Variants in LRRC24 observed in about 807,000 individuals in gnomAD.
LRRC24 encodes leucine rich repeat containing 24, also known as leucine-rich repeat-containing protein 24.
In LRRC24, 19 loss-of-function variants were observed where a neutral mutation model predicts 15.3. The ratio of observed to expected loss-of-function variants is 1.25; its 90% CI spans 0.87 to 1.83. The LOEUF (loss-of-function observed/expected upper bound fraction) is 1.83. LRRC24 is among the 40% of genes most tolerant of loss of function. The probability of loss-of-function intolerance (pLI) is 0.00; values close to 1 mark genes in which losing one functional copy is unlikely to be tolerated. For synonymous variants in LRRC24, 469 were observed against 359.6 expected (o/e 1.30, Z -3.44); for missense variants, 914 against 723.9 (o/e 1.26, Z -3.01).
rs1044788101 is a variant in LRRC24, at chr8:144,522,856, G to T, written c.1161C>A (p.Pro387=). The change falls in exon 5 of 5, where the codon CCC becomes CCA. Residue 387 remains proline, a synonymous_variant. Transcript: ENST00000529415. Reference sequence around the variant, plus strand: ...AGGCCATGCTGCCCGCCTCGGGCCGGGGCTCGCTGCCGGCGGGGCGGGCGG... The same window carrying T: ...AGGCCATGCTGCCCGCCTCGGGCCGTGGCTCGCTGCCGGCGGGGCGGGCGG... The part of the protein sequence containing the change: ...PPAARPAGSE[P]RPEAGSMAFR... 1 of 1,279,344 alleles carries T rather than the reference G, an allele frequency of 7.8e-7. No individual in the cohort carries two copies. Among genetic ancestry groups the T allele is most frequent in the African/African-American group, 1.6e-5 (1 of 64,394 alleles). 79.2% of individuals were successfully genotyped at this position (1,279,344 alleles called of 1,614,324 possible).
In LRRC24 at chr8:144,523,397, C is replaced by T. The variant is rs749436558; in HGVS notation, c.620G>A (p.Arg207His). 3 of 1,533,740 alleles carry T rather than the reference C, an allele frequency of 2.0e-6. No individual in the cohort carries two copies. The highest frequency in any genetic ancestry group is 2.3e-5 in the East Asian group (1 of 43,868). ...QVLRLTENPW[R>H]CDCALHWLGA... ...CAGCCAGTGCAGGGCGCAGTCACAG[C>T]GCCATGGGTTCTCTGTGGGAGAGCA... Residue 207 changes from arginine to histidine, a missense_variant, in exon 5 of 5, where the codon CGC becomes CAC. Arg to His is a conservative substitution (Grantham distance 29). Transcript: ENST00000529415.
rs143107864 is a variant in LRRC24 at position 144,524,231 on chromosome 8, C to T, written c.486G>A (p.Glu162=). 227 of 1,612,504 alleles carry T rather than the reference C, an allele frequency of 1.4e-4. No homozygotes were observed. The highest frequency in any genetic ancestry group is 1.8e-4 in the Non-Finnish European group (211 of 1,179,972). Reference sequence around the variant, plus strand: ...AGGACAGCCCCGCTAGAGCCTGGTCCTCCAGCAGCTCAATGCTGTTTTCTT... The same window carrying T: ...AGGACAGCCCCGCTAGAGCCTGGTCTTCCAGCAGCTCAATGCTGTTTTCTT... The part of the protein sequence containing the change: ...HLQENSIELL[E]DQALAGLSSL... The change falls in exon 4 of 5, where the codon GAG becomes GAA. Residue 162 remains glutamate (E), a synonymous_variant. Transcript: ENST00000529415.
rs1196450071 is a variant in LRRC24, at chr8:144,523,399, C to T, written c.618G>A (p.Trp206Ter). ...LQVLRLTENP[W>*]RCDCALHWLG... ...GCCAGTGCAGGGCGCAGTCACAGCG[C>T]CATGGGTTCTCTGTGGGAGAGCAGC... The change falls in exon 5 of 5, where the codon TGG becomes TGA. Residue 206 changes from tryptophan (W) to a stop codon, truncating the protein, a stop_gained. Coordinates refer to ENST00000529415, the MANE Select transcript of LRRC24 (RefSeq NM_001024678.4). LOFTEE classifies it low-confidence loss of function (END_TRUNC). 6.5e-7 allele frequency: 1 copy of T among 1,532,144 alleles called. No homozygotes were observed. The highest frequency in any genetic ancestry group is 1.4e-5 in the African/African-American group (1 of 72,160). 94.9% of individuals were successfully genotyped at this position (1,532,144 alleles called of 1,614,324 possible).
Position 144,522,821 on chromosome 8 carries a change from A to G in LRRC24, c.1196T>C (p.Leu399Pro). 2.0e-6 allele frequency: 3 copies of G among 1,476,232 alleles called. No individual in the cohort carries two copies. The highest frequency in any genetic ancestry group is 1.8e-6 in the Non-Finnish European group (2 of 1,116,454). The allele number at this position is 1,476,232 out of a possible 1,614,324, so 91.4% of individuals were successfully genotyped here. The stretch of plus-strand genomic sequence containing the variant: ...AATGGCCGTCTGTGTGGCCACGCCC[A>G]GGGCGCGGAAGGCCATGCTGCCCGC... Reference protein sequence around the residue: ...PEAGSMAFRALGVATQTAIAA... With the variant: ...PEAGSMAFRAPGVATQTAIAA... Residue 399 changes from leucine (L) to proline (P), a missense_variant, in exon 5 of 5, where the codon CTG (leucine) becomes CCG (proline). Leu to Pro is a moderately conservative substitution (Grantham distance 98, BLOSUM62 -3). Transcript: ENST00000529415.
Position 144,525,027 on chromosome 8 carries a change from T to C in LRRC24, c.-53A>G. The C allele has an allele frequency of 2.9e-6, 4 of 1,380,462 alleles. No individual in the cohort carries two copies. The highest frequency in any genetic ancestry group is 3.7e-6 in the Non-Finnish European group (4 of 1,070,658). 85.5% of individuals were successfully genotyped at this position (1,380,462 alleles called of 1,614,324 possible). ...CTTCCGCGGTTCAGCCGCAGACGCGTGCCCTCCTGAAACACAGGTTGGCAG... is the reference window on the plus strand; with the variant it reads ...CTTCCGCGGTTCAGCCGCAGACGCGCGCCCTCCTGAAACACAGGTTGGCAG... On this transcript the variant is annotated 5_prime_UTR_variant, in exon 2 of 5. Transcript: ENST00000529415.
chr8:144,526,380 G>C (rs1227511353), intron 1 of LRRC24: 1 of 152,220 alleles, frequency 6.6e-6, no homozygotes, highest in African/African-American at 2.4e-5. Context: ...CTCCAGGCCT[G>C]GCCCACTCAG....
At position 144,522,664 on chromosome 8, in the gene LRRC24, G is replaced by T; in HGVS notation, c.1353C>A (p.Asp451Glu). 3 of 1,592,524 alleles carry T rather than the reference G, an allele frequency of 1.9e-6. No homozygotes were observed. Among genetic ancestry groups the T allele is most frequent in the Non-Finnish European group, 2.6e-6 (3 of 1,170,968 alleles). Residue 451 changes from aspartate (D) to glutamate (E), a missense_variant, in exon 5 of 5, where the codon GAC (aspartate) becomes GAA (glutamate). Asp to Glu is a conservative substitution (Grantham distance 45). Coordinates refer to ENST00000529415, the MANE Select transcript of LRRC24 (RefSeq NM_001024678.4). ...CTAGCTGTGCGAACGTACAGGGGCCGTCCAAGTAGTCGTTGACGAACAGCG... is the reference window on the plus strand; with the variant it reads ...CTAGCTGTGCGAACGTACAGGGGCCTTCCAAGTAGTCGTTGACGAACAGCG... ...EGALFVNDYL[D>E]GPCTFAQLEE...
rs1482164281 is a variant in LRRC24, at chr8:144,522,516, G to T, written c.1501C>A (p.Leu501Ile). 2.0e-6 allele frequency: 3 copies of T among 1,506,442 alleles called. No homozygotes were observed. The highest frequency in any genetic ancestry group is 2.7e-5 in the East Asian group (1 of 36,710). 93.3% of individuals were successfully genotyped at this position (1,506,442 alleles called of 1,614,324 possible). The change falls in exon 5 of 5, where the codon CTC (leucine) becomes ATC (isoleucine). Residue 501 changes from leucine to isoleucine, a missense_variant. Coordinates refer to ENST00000529415, the MANE Select transcript of LRRC24 (RefSeq NM_001024678.4). ...CGPEQGAGPG[L>I]RVPPPVAYEI... ...TAGGCGACCGGCGGGGGCACGCGGA[G>T]TCCCGGCCCCGCCCCCTGTTCCGGG...
Position 144,524,819 on chromosome 8 carries a change from C to T in LRRC24, c.156G>A (p.Thr52=). ...RVVPLGIPPG[T]QTLFLQDNNI... ...CGCAGCTCCACACGGTGCCCACCTG[C>T]GTCCCTGGCGGGATTCCCAGCGGGA... is the stretch of plus-strand genomic sequence containing the variant. The change falls in exon 2 of 5, where the codon ACG becomes ACA. Residue 52 remains threonine, a synonymous_variant. Transcript: ENST00000529415. 6.8e-7 allele frequency: 1 copy of T among 1,465,222 alleles called. No individual in the cohort carries two copies. Among genetic ancestry groups the T allele is most frequent in the Non-Finnish European group, 9.0e-7 (1 of 1,108,878 alleles). 90.8% of individuals were successfully genotyped at this position (1,465,222 alleles called of 1,614,324 possible). A position where few individuals can be genotyped will look rare whatever the true frequency, so the allele number is the denominator to read the frequency against.
Position 144,522,901 on chromosome 8 carries a change from GGGCTGCTGC to G in LRRC24, c.1107_1115del (p.Gln370_Pro372del), listed in dbSNP as rs755882710. On this transcript the variant is annotated inframe_deletion, in exon 5 of 5. Coordinates refer to ENST00000529415, the MANE Select transcript of LRRC24 (RefSeq NM_001024678.4). The stretch of plus-strand genomic sequence containing the variant: ...GGGCGGCCGGAGGCGGCGGTTGCGC[GGGCTGCTGC>G]GGCTGCTGCCGGGACGCGTTGACCA... 2.7e-5 allele frequency: 36 copies of G among 1,311,890 alleles called. No homozygotes were observed. Among genetic ancestry groups the G allele is most frequent in the Middle Eastern group, 2.8e-4 (1 of 3,610 alleles). The allele number at this position is 1,311,890 out of a possible 1,614,324, so 81.3% of individuals were successfully genotyped here.
rs750273850 is a variant in LRRC24, at chr8:144,522,698, C to T, written c.1319G>A (p.Gly440Glu). The T allele has an allele frequency of 2.5e-6, 4 of 1,595,874 alleles. No homozygotes were observed. The highest frequency in any genetic ancestry group is 4.6e-5 in the East Asian group (2 of 43,492). The stretch of plus-strand genomic sequence containing the variant: ...GTCGTTGACGAACAGCGCTCCCTCC[C>T]CCGGAGGCCCCCGCGCCTTTTTTCG... ...RRRKKARGPP[G>E]EGALFVNDYL... The change falls in exon 5 of 5, where the codon GGG becomes GAG. Residue 440 changes from glycine (G) to glutamate (E), a missense_variant. Coordinates refer to ENST00000529415, the MANE Select transcript of LRRC24 (RefSeq NM_001024678.4).
Position 144,522,842 on chromosome 8 carries a change from C to T in LRRC24, c.1175G>A (p.Gly392Asp), listed in dbSNP as rs1314675059. The T allele has an allele frequency of 7.3e-7, 1 of 1,373,666 alleles. No homozygotes were observed. The highest frequency in any genetic ancestry group is 3.4e-5 in the Admixed American group (1 of 29,476). The allele number at this position is 1,373,666 out of a possible 1,614,324, so 85.1% of individuals were successfully genotyped here. ...PAGSEPRPEA[G>D]SMAFRALGVA... ...GCCCAGGGCGCGGAAGGCCATGCTGCCCGCCTCGGGCCGGGGCTCGCTGCC... is the reference window on the plus strand; with the variant it reads ...GCCCAGGGCGCGGAAGGCCATGCTGTCCGCCTCGGGCCGGGGCTCGCTGCC... Residue 392 changes from glycine to aspartate, a missense_variant, in exon 5 of 5, where the codon GGC becomes GAC. Physicochemically the swap from Gly to Asp is moderately conservative, Grantham distance 94 (BLOSUM62 -1). Coordinates refer to ENST00000529415, the MANE Select transcript of LRRC24 (RefSeq NM_001024678.4).
chr8:144,524,059 C>G, intron 4 of LRRC24, 51 bp downstream of exon 4: 7 of 1,576,278 alleles, frequency 4.4e-6, no homozygotes, highest in Non-Finnish European at 6.1e-6. Flanking sequence ...AGCCTGCTCC[C>G]TACTGCCAAC....
In LRRC24 at chr8:144,523,342, C is replaced by A. The variant is rs1453645942; in HGVS notation, c.675G>T (p.Arg225=). The A allele has an allele frequency of 2.5e-6, 4 of 1,587,108 alleles. No homozygotes were observed. The Admixed American group carries it at 6.9e-5, about 27-fold the overall frequency. ...TCTTCCTGTCCCTGGAGGTGAGCAG[C>A]CGCTGGCCGCCCTCCTTGATCCAGG... ...LGAWIKEGGQ[R]LLTSRDRKIM... Residue 225 remains arginine, a synonymous_variant, in exon 5 of 5, where the codon CGG becomes CGT. Coordinates refer to ENST00000529415, the MANE Select transcript of LRRC24 (RefSeq NM_001024678.4).
chr8:144,524,318 G>A (rs1236268795), intron 3 of LRRC24, 40 bp from the exon 4 acceptor site: 3 of 1,603,790 alleles, frequency 1.9e-6, no homozygotes, highest in Middle Eastern at 1.7e-4. Context: ...AAAGGGCGCC[G>A]AGGTTGGGGG....
Position 144,524,925 on chromosome 8 carries a change from G to GGCAGTAGTAGCA in LRRC24, c.38_49dup (p.Leu13_Leu16dup). ...TGCTGGGCAGCCGGCGGCGCGGAGC[G>GGCAGTAGTAGCA]GCAGTAGTAGCAGCAGCAGCGGCAG... is the stretch of plus-strand genomic sequence containing the variant. On this transcript the variant is annotated inframe_insertion, in exon 2 of 5. Coordinates refer to ENST00000529415, the MANE Select transcript of LRRC24 (RefSeq NM_001024678.4). 6.6e-7 allele frequency: 1 copy of GGCAGTAGTAGCA among 1,513,118 alleles called. No individual in the cohort carries two copies. The highest frequency in any genetic ancestry group is 1.2e-5 in the South Asian group (1 of 82,616). The allele number at this position is 1,513,118 out of a possible 1,614,324, so 93.7% of individuals were successfully genotyped here. A position where few individuals can be genotyped will look rare whatever the true frequency, so the allele number is the denominator to read the frequency against.
rs1446539779 is a variant in LRRC24, at chr8:144,526,979, C to G, written c.-79G>C. ...CCTCACCTGACGCTCCCGCGGCGAG[C>G]GGCTCCCCCGCCGTGCAGGTGGCGG... is the stretch of plus-strand genomic sequence containing the variant. On this transcript the variant is annotated 5_prime_UTR_variant, in exon 1 of 5. Coordinates refer to ENST00000529415, the MANE Select transcript of LRRC24 (RefSeq NM_001024678.4). 6.5e-6 allele frequency: 1 copy of G among 152,774 alleles called. No individual in the cohort carries two copies. The highest frequency in any genetic ancestry group is 1.5e-5 in the Non-Finnish European group (1 of 68,468). The allele number at this position is 152,774 out of a possible 1,614,324, so 9.5% of individuals were successfully genotyped here.
At chr8:144,524,063 T>G in intron 4 of LRRC24, 47 bp downstream of exon 4, 1 of 1,579,488 alleles carries the variant, frequency 6.3e-7, no homozygotes, top group Non-Finnish European at 8.6e-7. Flanking sequence ...TGCTCCCTAC[T>G]GCCAACACCG....
In LRRC24 at chr8:144,523,324, G is replaced by A. The variant is rs749428968; in HGVS notation, c.693C>T (p.Asp231=). ...GGGGCTCTGCACACATGATCTTCCT[G>A]TCCCTGGAGGTGAGCAGCCGCTGGC... is the stretch of plus-strand genomic sequence containing the variant. The part of the protein sequence containing the change: ...EGGQRLLTSR[D]RKIMCAEPPR... The change falls in exon 5 of 5, where the codon GAC becomes GAT. Residue 231 remains aspartate, a synonymous_variant. Transcript: ENST00000529415. 1 of 1,598,928 alleles carries A rather than the reference G, an allele frequency of 6.3e-7. No individual in the cohort carries two copies. Among genetic ancestry groups the A allele is most frequent in the Admixed American group, 1.7e-5 (1 of 58,910 alleles).
Sources: gnomAD v4.1 joint callset for allele counts on GRCh38, gnomAD v4.1.1 for gene constraint, MANE v1.5 for transcripts, NCBI Gene and HGNC (gene_info 2026-07-23, HGNC 2026-07-21) for gene names.